Variants in TMEM117 observed in about 807,000 individuals in gnomAD.
TMEM117 encodes the protein transmembrane protein 117.
TMEM117 carries 27 observed loss-of-function variants against 52.4 expected under a neutral mutation model. The observed-to-expected ratio is 0.51, with a 90% CI of 0.38 to 0.71. The LOEUF is 0.71. Ranked by LOEUF, TMEM117 falls within the 30% of genes least tolerant of loss-of-function variation. The probability of loss-of-function intolerance (pLI) is 0.00; values close to 1 mark genes in which losing one functional copy is unlikely to be tolerated. For missense variants in TMEM117, 556 were observed against 630.5 expected (o/e 0.88, Z 1.26); for synonymous variants, 215 against 206.3 (o/e 1.04, Z -0.36).
chr12:43,851,563 T>G (rs12231953), intron 2 of TMEM117, among the ~76,000 whole-genome samples: 5,689 of 152,266 alleles, frequency 0.037, 263 homozygotes, highest in African/African-American at 0.1. Flanking sequence ...TTCTTATGCC[T>G]ACAATTAGGA....
chr12:44,190,857 C>A (rs12369708), intron 4 of TMEM117, among the ~76,000 whole-genome samples: 7,136 of 148,332 alleles, frequency 0.048, 236 homozygotes, highest in Middle Eastern at 0.077. Context: ...CACTCTCTCT[C>A]TATATATAGA....
intron 5 of TMEM117, among the ~76,000 whole-genome samples, chr12:44,217,806 C>A (rs921683093): frequency 6.6e-6 from 1 of 152,160 alleles, no homozygotes; most frequent in Non-Finnish European, 1.5e-5. Flanking sequence ...AAAATACATG[C>A]TTACCTTATT....
At chr12:44,271,472 G>A (rs1950444947) in intron 5 of TMEM117, among the ~76,000 whole-genome samples, 1 of 151,954 alleles carries the variant, frequency 6.6e-6, no homozygotes, top group South Asian at 2.1e-4. Context: ...ATCAATTTTT[G>A]ACAAAGATGC....
chr12:44,329,719 A>G (rs1951243156), intron 6 of TMEM117, among the ~76,000 whole-genome samples: 1 of 152,056 alleles, frequency 6.6e-6, no homozygotes, highest in Non-Finnish European at 1.5e-5. Context: ...GTCTTTATAA[A>G]TTTGACTACT....
intron 3 of TMEM117, among the ~76,000 whole-genome samples, chr12:43,982,982 T>C (rs1315536964): frequency 6.6e-6 from 1 of 152,224 alleles, no homozygotes; most frequent in African/African-American, 2.4e-5. Context: ...GTTGAATAAA[T>C]ACTATGCAGT....
intron 2 of TMEM117, among the ~76,000 whole-genome samples, chr12:43,854,751 C>T (rs1943370828): frequency 6.6e-6 from 1 of 152,282 alleles, no homozygotes; most frequent in East Asian, 1.9e-4. Flanking sequence ...ATTCTCCTGC[C>T]TCAGCCTCCT....
chr12:43,980,242 C>G (rs1309364661), intron 3 of TMEM117, among the ~76,000 whole-genome samples: 1 of 152,178 alleles, frequency 6.6e-6, no homozygotes, highest in South Asian at 2.1e-4. Context: ...AGTTCTTCCT[C>G]CCTTTCCCAT....
At chr12:44,356,786 T>G (rs1039169958) in intron 6 of TMEM117, among the ~76,000 whole-genome samples, 3 of 152,146 alleles carry the variant, frequency 2.0e-5, no homozygotes, top group Non-Finnish European at 4.4e-5. Context: ...TTTCTACCAC[T>G]GGAGTATAGG....
At chr12:43,990,457 A>G (rs1592420116) in intron 3 of TMEM117, among the ~76,000 whole-genome samples, 1 of 152,182 alleles carries the variant, frequency 6.6e-6, no homozygotes, top group African/African-American at 2.4e-5. Context: ...TTTTAATCTA[A>G]AAGGAGAGGG....
At chr12:43,834,751 T>C (rs1943004245), upstream of TMEM117, among the ~76,000 whole-genome samples, 1 of 152,178 alleles carries the variant, frequency 6.6e-6, no homozygotes, top group Non-Finnish European at 1.5e-5. Context: ...ATGCAGTGGA[T>C]TGAGTTCACT....
rs534368732 is a variant in TMEM117 at position 44,379,245 on chromosome 12, A to T, written c.898+2521A>T. ...ATGGCACACACCTGTGGTCCTAGCC[A>T]CTTGGGAGGCTGAGGTGGGAGGATT... On this transcript the variant is annotated intron_variant, in intron 7 of 7. Coordinates refer to ENST00000266534, the MANE Select transcript of TMEM117 (RefSeq NM_032256.3). 2.0e-5 allele frequency among the ~76,000 whole-genome samples: 3 copies of T among 152,204 alleles called. No homozygotes were observed. In the South Asian group the frequency reaches 6.2e-4, roughly 32 times the overall value.
At position 43,944,125 on chromosome 12, in the gene TMEM117, A is replaced by G. The variant is rs1776296862; in HGVS notation, c.278-85A>G. ...CAAAGACTTCAGAATATAGTGAGAC[A>G]TTAAAAGATTCATTAAAATAAAGCA... On this transcript the variant is annotated intron_variant, in intron 2 of 7. Transcript: ENST00000266534. The G allele has an allele frequency of 6.6e-6, 8 of 1,217,560 alleles. No individual in the cohort carries two copies. In the East Asian group the frequency reaches 1.7e-4, roughly 27 times the overall value. 75.4% of individuals were successfully genotyped at this position (1,217,560 alleles called of 1,614,324 possible).
intron 6 of TMEM117, among the ~76,000 whole-genome samples, chr12:44,359,802 A>G (rs994590528): frequency 6.6e-6 from 1 of 152,152 alleles, no homozygotes; most frequent in African/African-American, 2.4e-5. Flanking sequence ...AAATTACTAA[A>G]AACCAACTAT....
chr12:43,871,022 C>T (rs946766222), intron 2 of TMEM117, among the ~76,000 whole-genome samples: 18 of 151,488 alleles, frequency 1.2e-4, no homozygotes, highest in Admixed American at 9.8e-4. Flanking sequence ...TGACCTCAGG[C>T]GATCCACCCG....
At chr12:43,982,206 A>C (rs1019541972) in intron 3 of TMEM117, among the ~76,000 whole-genome samples, 11 of 152,304 alleles carry the variant, frequency 7.2e-5, no homozygotes, top group Admixed American at 5.9e-4. Context: ...TCATTCTTTT[A>C]AGGTGAGACT....
intron 5 of TMEM117, among the ~76,000 whole-genome samples, chr12:44,236,138 A>G (rs190025385): frequency 3.3e-5 from 5 of 151,604 alleles, no homozygotes; most frequent in African/African-American, 9.7e-5. Context: ...ATTGGTTTTC[A>G]TTCCTCAGTT....
At chr12:44,204,900 CT>C (rs1051655114) in intron 4 of TMEM117, among the ~76,000 whole-genome samples, 35 of 152,176 alleles carry the variant, frequency 2.3e-4, no homozygotes, top group African/African-American at 7.5e-4. Flanking sequence ...CAAAAATCAA[CT>C]CAAGATGGAT....
chr12:44,174,411 T>G (rs1167665690), intron 4 of TMEM117, among the ~76,000 whole-genome samples: 1 of 152,210 alleles, frequency 6.6e-6, no homozygotes, highest in African/African-American at 2.4e-5. Flanking sequence ...ATCCAGTTAT[T>G]TACAGAAAAA....
intron 6 of TMEM117, among the ~76,000 whole-genome samples, chr12:44,355,265 GAATATAAT>G (rs1033529944): frequency 6.6e-5 from 10 of 152,002 alleles, no homozygotes; most frequent in Non-Finnish European, 1.0e-4. Context: ...ATTTGTGTTT[GAATATAAT>G]AATGGGATAG....
Sources: allele counts gnomAD v4.1 joint callset (sites outside exome capture counted in the v4.1 genomes callset), GRCh38; gene constraint gnomAD v4.1.1; transcripts MANE v1.5; gene names NCBI Gene and HGNC (gene_info 2026-07-23, HGNC 2026-07-21).